The following ATAD5 variants were observed in gnomAD, a reference collection of about 807,000 sequenced individuals.
The protein encoded by ATAD5 is ATPase family AAA domain containing 5, also known as ATPase family AAA domain-containing protein 5.
A neutral mutation model predicts 176.9 loss-of-function variants in ATAD5; 58 were observed. That is an observed-to-expected ratio of 0.33 (90% confidence interval 0.27 to 0.41). The LOEUF is 0.41. Among genes scored for constraint, ATAD5 ranks in the 10% least tolerant of loss-of-function variants. The pLI is 1.00. For synonymous variants in ATAD5, 640 were observed against 712.6 expected (o/e 0.90, Z 1.62); for missense variants, 1,789 against 2,094.1 (o/e 0.85, Z 2.84).
intron 14 of ATAD5, among the ~76,000 whole-genome samples, chr17:30,873,096 G>A (rs945489641): frequency 7.2e-5 from 11 of 152,092 alleles, no homozygotes; most frequent in Non-Finnish European, 1.5e-4. Context: ...TCCAGTGCCA[G>A]TTCTATACCT....
chr17:30,890,917 ATTG>A (rs1484263706), intron 19 of ATAD5, among the ~76,000 whole-genome samples: 1 of 152,142 alleles, frequency 6.6e-6, no homozygotes, highest in Non-Finnish European at 1.5e-5. Flanking sequence ...TTTTAAGTTT[ATTG>A]TTAGCACATA....
chr17:30,895,240 T>C lies in ATAD5; in HGVS notation c.*327T>C, dbSNP rs1909848232. 5.9e-6 allele frequency: 1 copy of C among 170,610 alleles called. No homozygotes were observed. Among genetic ancestry groups the C allele is most frequent in the Non-Finnish European group, 1.2e-5 (1 of 80,780 alleles). 10.6% of individuals were successfully genotyped at this position (170,610 alleles called of 1,614,324 possible). A position where few individuals can be genotyped will look rare whatever the true frequency, so the allele number is the denominator to read the frequency against. The stretch of plus-strand genomic sequence containing the variant: ...GTTTATATTATATATTAGCTTAATA[T>C]TCAGATACATTATCTTGGCTGCTAA... On this transcript the variant is annotated 3_prime_UTR_variant, in exon 23 of 23. Transcript: ENST00000321990.
chr17:30,834,124 C>A (rs1290750525), intron 1 of ATAD5, 24 bp from the exon 2 acceptor site: 3 of 1,489,944 alleles, frequency 2.0e-6, no homozygotes, highest in East Asian at 4.7e-5. Flanking sequence ...GAAATAAGTG[C>A]CTTTTTCTCT....
intron 4 of ATAD5, among the ~76,000 whole-genome samples, chr17:30,843,543 G>A (rs1370193360): frequency 6.6e-6 from 1 of 151,916 alleles, no homozygotes; most frequent in Admixed American, 6.6e-5. Flanking sequence ...CCAGCTACTT[G>A]GGAGGCTGAG....
chr17:30,864,124 A>G (rs1399977791), intron 10 of ATAD5: 1 of 152,140 alleles, frequency 6.6e-6, no homozygotes, highest in African/African-American at 2.4e-5. Context: ...TATGCCACAA[A>G]TTATTTCTCA....
At chr17:30,882,683 T>G (rs923054631) in intron 18 of ATAD5, among the ~76,000 whole-genome samples, 3 of 152,360 alleles carry the variant, frequency 2.0e-5, no homozygotes, top group Middle Eastern at 3.4e-3. Context: ...TCATTTCACC[T>G]TCACTGTTGG....
chr17:30,893,376 A>G lies in ATAD5; in HGVS notation c.4523A>G (p.Tyr1508Cys), dbSNP rs776290185. Residue 1508 changes from tyrosine to cysteine, a missense_variant, in exon 21 of 23, where the codon TAT (tyrosine) becomes TGT (cysteine). Physicochemically the swap from Tyr to Cys is radical, Grantham distance 194. Around this residue, in one of 6 missense-constraint regions of ATAD5, gnomAD observed 403 missense variants for 495.1 expected, o/e 0.81. Transcript: ENST00000321990. ...CAAATGCGGAATGTAGATTTTTTAT[A>G]TAGTAATCTTGAGTTTATTCTACCA... is the stretch of plus-strand genomic sequence containing the variant. ...EFQMRNVDFLYSNLEFILPLP... is the reference protein window; with the variant it reads ...EFQMRNVDFLCSNLEFILPLP... 1.2e-6 allele frequency: 2 copies of G among 1,603,310 alleles called. No individual in the cohort carries two copies. The highest frequency in any genetic ancestry group is 4.5e-5 in the East Asian group (2 of 44,816).
chr17:30,895,027 CAATT>C lies in ATAD5; in HGVS notation c.*115_*118del. ...TTTCTCGATGTACATTTTAAACAAACAATTTGTATATTTTTTTATTGGCGGGTAA... is the reference window on the plus strand; with the variant it reads ...TTTCTCGATGTACATTTTAAACAAACTGTATATTTTTTTATTGGCGGGTAA... On this transcript the variant is annotated 3_prime_UTR_variant, in exon 23 of 23. Coordinates refer to ENST00000321990, the MANE Select transcript of ATAD5 (RefSeq NM_024857.5). 1 of 628,330 alleles carries C rather than the reference CAATT, an allele frequency of 1.6e-6. No homozygotes were observed. The highest frequency in any genetic ancestry group is 2.4e-6 in the Non-Finnish European group (1 of 411,164). The allele number at this position is 628,330 out of a possible 1,614,324, so 38.9% of individuals were successfully genotyped here. A position where few individuals can be genotyped will look rare whatever the true frequency, so the allele number is the denominator to read the frequency against.
chr17:30,868,471 A>AT lies in ATAD5; in HGVS notation c.3313+61dup, dbSNP rs1567691977. Reference sequence around the variant, plus strand: ...TTTCACTGAACATTTTTAGAGTTACATTAACTAAAACTTTCTATAAAATTT... The same window carrying AT: ...TTTCACTGAACATTTTTAGAGTTACATTTAACTAAAACTTTCTATAAAATTT... On this transcript the variant is annotated intron_variant, in intron 12 of 22. Transcript: ENST00000321990. The AT allele has an allele frequency of 8.0e-6, 9 of 1,124,028 alleles. No individual in the cohort carries two copies. The African/African-American group carries it at 1.5e-4, about 19-fold the overall frequency. The allele number at this position is 1,124,028 out of a possible 1,614,324, so 69.6% of individuals were successfully genotyped here.
Position 30,894,825 on chromosome 17 carries a change from A to AT in ATAD5, c.5457-6dup. The AT allele has an allele frequency of 6.3e-7, 1 of 1,579,200 alleles. No individual in the cohort carries two copies. Among genetic ancestry groups the AT allele is most frequent in the Non-Finnish European group, 8.6e-7 (1 of 1,168,586 alleles). On this transcript the variant is annotated splice_polypyrimidine_tract_variant and intron_variant, in intron 22 of 22. Coordinates refer to ENST00000321990, the MANE Select transcript of ATAD5 (RefSeq NM_024857.5). ...ATATTAAATTGTATTTTTCTTTGTAATTTTGACAGATTCCTGCACTATTTT... is the reference window on the plus strand; with the variant it reads ...ATATTAAATTGTATTTTTCTTTGTAATTTTTGACAGATTCCTGCACTATTTT...
intron 18 of ATAD5, among the ~76,000 whole-genome samples, chr17:30,886,170 TTC>T (rs1172128403): frequency 6.6e-6 from 1 of 151,460 alleles, no homozygotes; most frequent in African/African-American, 2.4e-5. Flanking sequence ...TGTAACTTTT[TTC>T]TTTTTTTTTT....
chr17:30,864,622 C>G (rs1357402501), intron 10 of ATAD5: 3 of 152,262 alleles, frequency 2.0e-5, no homozygotes, highest in Non-Finnish European at 4.4e-5. Flanking sequence ...CCTTGGCCTT[C>G]CAAAGTGCTG....
intron 2 of ATAD5, 151 bp downstream of exon 2, chr17:30,836,199 G>A (rs1405745115): frequency 1.3e-6 from 1 of 748,484 alleles, no homozygotes; most frequent in Non-Finnish European, 1.9e-6. Flanking sequence ...TTTTCTTTGA[G>A]ATGGAGTCTT....
chr17:30,885,827 G>T (rs1460239092), intron 18 of ATAD5, among the ~76,000 whole-genome samples: 1 of 151,382 alleles, frequency 6.6e-6, no homozygotes, highest in Non-Finnish European at 1.5e-5. Context: ...TAGAGATGGG[G>T]TTTTGCCATG....
chr17:30,868,688 G>A (rs1287954111), intron 12 of ATAD5, among the ~76,000 whole-genome samples: 1 of 151,318 alleles, frequency 6.6e-6, no homozygotes, highest in Non-Finnish European at 1.5e-5. Context: ...TGTATTTTTA[G>A]TAGAGATGGG....
At position 30,857,097 on chromosome 17, in the gene ATAD5, T is replaced by G. The variant is rs377281173; in HGVS notation, c.2778T>G (p.Gly926=). ...CATTGAATTCAAAGTTGAAAAGCGG[T>G]AACTCTGCTGCTGTGGTAAGTATTA... ...FSTLNSKLKS[G]NSAAVFMRTR... is the part of the protein sequence containing the mutation. Residue 926 remains glycine (G), a synonymous_variant, in exon 8 of 23, where the codon GGT becomes GGG. Transcript: ENST00000321990. 176 of 1,611,092 alleles carry G rather than the reference T, an allele frequency of 1.1e-4. No homozygotes were observed. The highest frequency in any genetic ancestry group is 1.4e-4 in the Non-Finnish European group (168 of 1,179,464).
intron 9 of ATAD5, among the ~76,000 whole-genome samples, chr17:30,860,168 T>G (rs1907539612): frequency 6.6e-6 from 1 of 152,012 alleles, no homozygotes; most frequent in Non-Finnish European, 1.5e-5. Context: ...GGACTACAGG[T>G]GCATGCCACC....
rs60144636 is a variant in ATAD5, at chr17:30,859,863, A to G, written c.2957-570A>G. Among the ~76,000 whole-genome samples, 2 of 145,390 alleles carry G rather than the reference A, an allele frequency of 1.4e-5. 1 individual carries two copies. The highest frequency in any genetic ancestry group is 3.0e-5 in the Non-Finnish European group (2 of 66,090). ...TTCTGCCTCCTAGGTAGCTGAGATT[A>G]CAGGCACACGCCACCATGCCTGGCT... On this transcript the variant is annotated intron_variant, in intron 9 of 22. Coordinates refer to ENST00000321990, the MANE Select transcript of ATAD5 (RefSeq NM_024857.5).
At chr17:30,850,046 C>T (rs898707395) in intron 6 of ATAD5, among the ~76,000 whole-genome samples, 1 of 152,042 alleles carries the variant, frequency 6.6e-6, no homozygotes, top group Non-Finnish European at 1.5e-5. Context: ...GAGTCTGAGA[C>T]AGGAGGATCA....
Sources: allele counts gnomAD v4.1 joint callset (sites outside exome capture counted in the v4.1 genomes callset), GRCh38; gene constraint gnomAD v4.1.1; regional missense constraint gnomAD v4.1.1; transcripts MANE v1.5; gene names NCBI Gene and HGNC (gene_info 2026-07-23, HGNC 2026-07-21).